Variants in NHSL2 observed in about 807,000 individuals in gnomAD.
NHSL2 encodes the protein NHS like 2.
A neutral mutation model predicts 53.4 loss-of-function variants in NHSL2; 27 were observed. The ratio of observed to expected loss-of-function variants is 0.51; its 90% CI spans 0.37 to 0.70. NHSL2 has a LOEUF of 0.70. Ranked by LOEUF, NHSL2 falls within the 30% of genes least tolerant of loss-of-function variation. The pLI, the probability that NHSL2 is intolerant of heterozygous loss-of-function variation, is 0.00. For synonymous variants in NHSL2, 408 were observed against 404.1 expected (o/e 1.01, Z -0.12); for missense variants, 892 against 980.1 (o/e 0.91, Z 1.20).
At chrX:72,039,897 T>C (rs1034324165) in intron 1 of NHSL2, among the ~76,000 whole-genome samples, 2 of 112,074 alleles carry the variant, frequency 1.8e-5, no homozygotes, top group Middle Eastern at 4.6e-3. Flanking sequence ...CTAACATTTA[T>C]TGAGCTCTAC....
Position 72,145,152 on chromosome X carries a change from T to C in NHSL2, c.*1578T>C, listed in dbSNP as rs73223172. On this transcript the variant is annotated 3_prime_UTR_variant, in exon 8 of 8. Coordinates refer to ENST00000633930, the MANE Select transcript of NHSL2 (RefSeq NM_001013627.3). ...CCTTCCTACTTCACCCCTCACCCAA[T>C]AGATTCAATGGTCAACCTCCTGGAG... 1 of 111,826 alleles carries C rather than the reference T, an allele frequency of 8.9e-6. No individual in the cohort carries two copies. The highest frequency in any genetic ancestry group is 1.9e-5 in the Non-Finnish European group (1 of 53,185). The allele number at this position is 111,826 out of a possible 1,213,427, so 9.2% of individuals were successfully genotyped here.
chrX:71,973,580 G>A (rs753580271), intron 1 of NHSL2, among the ~76,000 whole-genome samples: 3 of 111,112 alleles, frequency 2.7e-5, no homozygotes, highest in Non-Finnish European at 5.7e-5. Flanking sequence ...GAGAGTTCCT[G>A]GTTCTCCTGG....
At chrX:71,963,415 T>C (rs1199233184) in intron 1 of NHSL2, among the ~76,000 whole-genome samples, 1 of 111,073 alleles carries the variant, frequency 9.0e-6, no homozygotes, top group East Asian at 2.8e-4. Context: ...AAATGGCAAA[T>C]GTAAACTCAA....
intron 1 of NHSL2, among the ~76,000 whole-genome samples, chrX:71,944,351 A>G (rs1293320427): frequency 8.9e-5 from 10 of 112,389 alleles, no homozygotes; most frequent in African/African-American, 3.2e-4. Flanking sequence ...ATGTCTACCA[A>G]AGAGCTCAAT....
intron 1 of NHSL2, chrX:72,027,742 T>C (rs2042192824): frequency 8.9e-6 from 1 of 112,699 alleles, no homozygotes; most frequent in Non-Finnish European, 1.8e-5. Flanking sequence ...GTCAGGGAAG[T>C]CTGGGGAGTG....
At chrX:71,932,666 C>T (rs1419548827) in intron 1 of NHSL2, among the ~76,000 whole-genome samples, 1 of 111,712 alleles carries the variant, frequency 9.0e-6, no homozygotes, top group Non-Finnish European at 1.9e-5. Flanking sequence ...ATGGTGTTGG[C>T]AGGGGTGGTC....
chrX:71,993,706 A>G (rs1486395231), intron 1 of NHSL2, among the ~76,000 whole-genome samples: 3 of 111,721 alleles, frequency 2.7e-5, no homozygotes, highest in Non-Finnish European at 3.8e-5. Flanking sequence ...TTCCCTGGCC[A>G]GAGGAGGCAA....
In NHSL2 at chrX:72,033,578, C is replaced by G. The variant is rs1366608621; in HGVS notation, c.281-98501C>G. Among the ~76,000 whole-genome samples, 3 of 112,358 alleles carry G rather than the reference C, an allele frequency of 2.7e-5. No homozygotes were observed. The East Asian group carries it at 8.3e-4, about 31-fold the overall frequency. The stretch of plus-strand genomic sequence containing the variant: ...GGCCTTCTTTCATTTATTTCACCAG[C>G]ATTTAGTCATATTCAGCATAGATAT... On this transcript the variant is annotated intron_variant, in intron 1 of 7. Coordinates refer to ENST00000633930, the MANE Select transcript of NHSL2 (RefSeq NM_001013627.3).
chrX:72,125,066 G>A (rs1339486739), intron 1 of NHSL2, among the ~76,000 whole-genome samples: 1 of 47,397 alleles, frequency 2.1e-5, no homozygotes, highest in Non-Finnish European at 8.7e-5. Context: ...TGACAGCCAG[G>A]TCAGTCTGTG....
At position 72,147,993 on chromosome X, in the gene NHSL2, G is replaced by A. The variant is rs1171421973; in HGVS notation, c.*4419G>A. 1 of 111,600 alleles carries A rather than the reference G, an allele frequency of 9.0e-6. No individual in the cohort carries two copies. Among genetic ancestry groups the A allele is most frequent in the Non-Finnish European group, 1.9e-5 (1 of 53,126 alleles). The allele number at this position is 111,600 out of a possible 1,213,427, so 9.2% of individuals were successfully genotyped here. A position where few individuals can be genotyped will look rare whatever the true frequency, so the allele number is the denominator to read the frequency against. Reference sequence around the variant, plus strand: ...CCCTGACGCCTAACTCCAGAATATAGAAAATATCTTAATCGCCTGGAATCA... The same window carrying A: ...CCCTGACGCCTAACTCCAGAATATAAAAAATATCTTAATCGCCTGGAATCA... On this transcript the variant is annotated 3_prime_UTR_variant, in exon 8 of 8. Coordinates refer to ENST00000633930, the MANE Select transcript of NHSL2 (RefSeq NM_001013627.3).
Position 72,090,886 on chromosome X carries a change from C to T in NHSL2, c.281-41193C>T, listed in dbSNP as rs190040575. Among the ~76,000 whole-genome samples, 311 of 110,746 alleles carry T rather than the reference C, an allele frequency of 2.8e-3. 1 individual carries two copies. Among genetic ancestry groups the T allele is most frequent in the African/African-American group, 9.5e-3 (289 of 30,480 alleles). On this transcript the variant is annotated intron_variant, in intron 1 of 7. Coordinates refer to ENST00000633930, the MANE Select transcript of NHSL2 (RefSeq NM_001013627.3). ...GACATACTATACACAACATTCTGCACCTTACTTTTTTCACCTGACATTGTA... is the reference window on the plus strand; with the variant it reads ...GACATACTATACACAACATTCTGCATCTTACTTTTTTCACCTGACATTGTA...
chrX:72,023,374 G>A (rs978092061), intron 1 of NHSL2, among the ~76,000 whole-genome samples: 1 of 112,711 alleles, frequency 8.9e-6, no homozygotes, highest in African/African-American at 3.2e-5. Flanking sequence ...GGAGAAATGG[G>A]AGAAGGAGAT....
chrX:71,921,345 G>A (rs1489315675), intron 1 of NHSL2, among the ~76,000 whole-genome samples: 16 of 106,768 alleles, frequency 1.5e-4, no homozygotes, highest in African/African-American at 4.8e-4. Flanking sequence ...ACTTGAACCC[G>A]GGAGGTGGAG....
At chrX:72,000,825 A>G (rs1221094280) in intron 1 of NHSL2, among the ~76,000 whole-genome samples, 1 of 112,209 alleles carries the variant, frequency 8.9e-6, no homozygotes, top group Non-Finnish European at 1.9e-5. Flanking sequence ...ATTTCAGTCA[A>G]TGTCAGCTGA....
chrX:71,988,004 T>G (rs906290588), intron 1 of NHSL2, among the ~76,000 whole-genome samples: 1 of 112,573 alleles, frequency 8.9e-6, no homozygotes, highest in African/African-American at 3.2e-5. Flanking sequence ...GAGAAAGTAC[T>G]GCCACGTGGT....
At chrX:71,977,680 G>A (rs772582738) in intron 1 of NHSL2, among the ~76,000 whole-genome samples, 1 of 111,309 alleles carries the variant, frequency 9.0e-6, no homozygotes, top group Non-Finnish European at 1.9e-5. Flanking sequence ...CCCAGAGTGC[G>A]AGGATTACAG....
intron 1 of NHSL2, among the ~76,000 whole-genome samples, chrX:72,018,511 C>T (rs1415259075): frequency 2.7e-5 from 3 of 113,121 alleles, no homozygotes; most frequent in Non-Finnish European, 5.6e-5. Flanking sequence ...GCCGGGGAAG[C>T]AAGCGTTGCC....
At position 72,151,731 on chromosome X, in the gene NHSL2, A is replaced by G. The variant is rs1429420867; in HGVS notation, c.*8157A>G. 3.6e-5 allele frequency: 4 copies of G among 111,313 alleles called. No individual in the cohort carries two copies. The highest frequency in any genetic ancestry group is 1.3e-4 in the African/African-American group (4 of 30,507). 9.2% of individuals were successfully genotyped at this position (111,313 alleles called of 1,213,427 possible). ...TATTTTGTTCCATAACTTCTCCCTC[A>G]TATCTGTGGTTGGAGACTCCCACCC... On this transcript the variant is annotated 3_prime_UTR_variant, in exon 8 of 8. Transcript: ENST00000633930.
Position 71,950,651 on chromosome X carries a change from C to T in NHSL2, c.280+39284C>T, listed in dbSNP as rs746476703. Among the ~76,000 whole-genome samples, 65 of 112,398 alleles carry T rather than the reference C, an allele frequency of 5.8e-4. 2 individuals are homozygous for T. Among genetic ancestry groups the T allele is most frequent in the Non-Finnish European group, 1.5e-4 (8 of 53,211 alleles). ...TATGCCTTACAAGCTGCCCAAGGGC[C>T]GGGCATCTATGCCATGGCTCTGCTC... On this transcript the variant is annotated intron_variant, in intron 1 of 7. Transcript: ENST00000633930.
Sources: allele counts gnomAD v4.1 joint callset (sites outside exome capture counted in the v4.1 genomes callset), GRCh38; gene constraint gnomAD v4.1.1; transcripts MANE v1.5; gene names NCBI Gene and HGNC (gene_info 2026-07-23, HGNC 2026-07-21).